The following RYR1 variants were observed in gnomAD, a reference collection of about 807,000 sequenced individuals.
RYR1 encodes central core disease of muscle.
A neutral mutation model predicts 583.5 loss-of-function variants in RYR1; 342 were observed. That is an observed-to-expected ratio of 0.59 (90% CI 0.54 to 0.64). The LOEUF (loss-of-function observed/expected upper bound fraction) is 0.64, where lower values mean the gene tolerates loss of function less well. Among genes scored for constraint, RYR1 ranks in the 30% least tolerant of loss-of-function variants. RYR1 has a pLI of 0.00. For synonymous variants in RYR1, 2,791 were observed against 2,822.5 expected (o/e 0.99, Z 0.35); for missense variants, 6,032 against 6,917.2 (o/e 0.87, Z 4.54).
chr19:38,519,178 C>A lies in RYR1; in HGVS notation c.10019-36C>A, dbSNP rs532991505. On this transcript the variant is annotated intron_variant, in intron 66 of 105. Coordinates refer to ENST00000359596, the MANE Select transcript of RYR1 (RefSeq NM_000540.3). ...CGGAGTTTGGGGCCTGTGTCAGAGG[C>A]CGGAGGTGGCATCAGAGCCCATCGC... is the stretch of plus-strand genomic sequence containing the variant. 9.9e-6 allele frequency: 16 copies of A among 1,613,808 alleles called. No individual in the cohort carries two copies. In the East Asian group the frequency reaches 3.3e-4, roughly 34 times the overall value.
In RYR1 at chr19:38,506,555, G is replaced by A. The variant is rs1970459734; in HGVS notation, c.8692+9G>A. 5.6e-6 allele frequency: 9 copies of A among 1,613,692 alleles called. No homozygotes were observed. The highest frequency in any genetic ancestry group is 6.8e-6 in the Non-Finnish European group (8 of 1,179,818). ...GGAGCTGGAAGCCAAAGGTGAGGGCGCCCATGCCGCCCCCACGCTACCCCC... is the reference window on the plus strand; with the variant it reads ...GGAGCTGGAAGCCAAAGGTGAGGGCACCCATGCCGCCCCCACGCTACCCCC... On this transcript the variant is annotated intron_variant, in intron 56 of 105. Coordinates refer to ENST00000359596, the MANE Select transcript of RYR1 (RefSeq NM_000540.3).
intron 49 of RYR1, 124 bp downstream of exon 49, chr19:38,503,094 C>A: frequency 4.5e-6 from 4 of 885,736 alleles, no homozygotes; most frequent in Non-Finnish European, 7.3e-6. Context: ...CTAGTTAGGG[C>A]AGCGTCCCCG....
rs1224867927 is a variant in RYR1, at chr19:38,542,510, TA to T, written c.11690-836del. ...CAGGCCCTCAATAATATTTATATTT[TA>T]TTTTTTTATATTTATTTATTTTTTG... On this transcript the variant is annotated intron_variant, in intron 84 of 105. Transcript: ENST00000359596. Among the ~76,000 whole-genome samples, 9 of 152,164 alleles carry T rather than the reference TA, an allele frequency of 5.9e-5. No homozygotes were observed. The East Asian group carries it at 1.7e-3, about 29-fold the overall frequency.
chr19:38,552,530 C>T (rs549881715), intron 89 of RYR1, among the ~76,000 whole-genome samples: 4 of 152,242 alleles, frequency 2.6e-5, no homozygotes, highest in South Asian at 2.1e-4. Flanking sequence ...GGATTACAGG[C>T]GTGAGCCACC....
intron 89 of RYR1, among the ~76,000 whole-genome samples, chr19:38,551,024 G>GCTT (rs1972641614): frequency 3.4e-5 from 3 of 89,094 alleles, no homozygotes; most frequent in African/African-American, 1.2e-4. Context: ...TGGATTCACG[G>GCTT]CTTTTTTTTT....
intron 67 of RYR1, among the ~76,000 whole-genome samples, chr19:38,521,005 T>G (rs1971203718): frequency 6.6e-6 from 1 of 152,180 alleles, no homozygotes; most frequent in East Asian, 1.9e-4. Flanking sequence ...CCGGGTGCAG[T>G]GGCTTACAAC....
intron 49 of RYR1, among the ~76,000 whole-genome samples, chr19:38,503,759 T>A (rs1417898335): frequency 6.8e-6 from 1 of 148,138 alleles, no homozygotes; most frequent in African/African-American, 2.5e-5. Flanking sequence ...GTCAAGAGAG[T>A]GAGACTCCAC....
At chr19:38,545,163 C>T (rs1175295224) in intron 87 of RYR1, among the ~76,000 whole-genome samples, 1 of 152,106 alleles carries the variant, frequency 6.6e-6, no homozygotes, top group Non-Finnish European at 1.5e-5. Context: ...GGAAAGAAAG[C>T]TTTGACTGAC....
intron 42 of RYR1, 56 bp downstream of exon 42, chr19:38,497,010 G>C (rs926214217): frequency 1.4e-6 from 2 of 1,465,314 alleles, no homozygotes; most frequent in South Asian, 1.1e-5. Flanking sequence ...GCCGCTACCC[G>C]GCTGCTTGGG....
chr19:38,502,792 C>CAGGGGGAGGAGG (rs1491495422), intron 48 of RYR1, 65 bp downstream of exon 48: 1 of 675,926 alleles, frequency 1.5e-6, no homozygotes, highest in South Asian at 2.2e-5. Context: ...GGGGCAGGGG[C>CAGGGGGAGGAGG]AGGGGCAGGG....
Position 38,500,998 on chromosome 19 carries a change from AC to A in RYR1, c.7614+11del, listed in dbSNP as rs1483499642. 2.5e-6 allele frequency: 4 copies of A among 1,611,984 alleles called. No homozygotes were observed. The East Asian group carries it at 6.7e-5, about 27-fold the overall frequency. ...GCCGCCTCGCTGGACACGGTGAGCA[AC>A]CCTGCCCAGCCTGGCCACCCTCCCC... is the stretch of plus-strand genomic sequence containing the variant. On this transcript the variant is annotated intron_variant, in intron 47 of 105. Coordinates refer to ENST00000359596, the MANE Select transcript of RYR1 (RefSeq NM_000540.3). This position sits in a 1 kb window ranked among gnomAD's most constrained non-coding sequence, Gnocchi z 5.9.
chr19:38,512,532 ACAC>A lies in RYR1; in HGVS notation c.9472+54_9472+56del. 6.5e-7 allele frequency: 1 copy of A among 1,544,566 alleles called. No homozygotes were observed. Among genetic ancestry groups the A allele is most frequent in the African/African-American group, 1.4e-5 (1 of 73,856 alleles). ...AGGTTGCGGGGAGTCAGTGTGGCCA[ACAC>A]CACCCATCCGGGTGCCTGTGAGAGT... On this transcript the variant is annotated intron_variant, in intron 63 of 105. Transcript: ENST00000359596. This position sits in a 1 kb window ranked among gnomAD's most constrained non-coding sequence, Gnocchi z 5.1.
chr19:38,484,043 G>A (rs922627505), intron 33 of RYR1, among the ~76,000 whole-genome samples: 3 of 152,042 alleles, frequency 2.0e-5, no homozygotes, highest in East Asian at 1.9e-4. Context: ...AACTCTGAAC[G>A]TGGCCAGGCA....
chr19:38,581,708 C>T (rs1974218283), intron 101 of RYR1, among the ~76,000 whole-genome samples: 1 of 152,106 alleles, frequency 6.6e-6, no homozygotes, highest in Non-Finnish European at 1.5e-5. Flanking sequence ...AAGTGATTCT[C>T]CTGCGTTAGC....
Position 38,497,970 on chromosome 19 carries a change from TAAAAA to T in RYR1, c.6891+1022_6891+1026del, listed in dbSNP as rs546898242. Among the ~76,000 whole-genome samples the T allele has an allele frequency of 2.0e-4, 30 of 146,686 alleles. No homozygotes were observed. The East Asian group carries it at 5.9e-3, about 29-fold the overall frequency. On this transcript the variant is annotated intron_variant, in intron 42 of 105. Coordinates refer to ENST00000359596, the MANE Select transcript of RYR1 (RefSeq NM_000540.3). ...ACCTCAGGGACAGAGCGAGACCCCT[TAAAAA>T]AAAAAGTGGCCAGAGAAAGCCTCAT...
chr19:38,436,585 G>A (rs189115914), intron 1 of RYR1, among the ~76,000 whole-genome samples: 7 of 152,158 alleles, frequency 4.6e-5, no homozygotes, highest in East Asian at 1.9e-4. Flanking sequence ...TTTTGTTGCC[G>A]AATATTATTC....
At position 38,572,454 on chromosome 19, in the gene RYR1, T is replaced by G. The variant is rs78674720; in HGVS notation, c.13998+184T>G. On this transcript the variant is annotated intron_variant, in intron 95 of 105. Coordinates refer to ENST00000359596, the MANE Select transcript of RYR1 (RefSeq NM_000540.3). ...GTCTCCAGCAAGGATGACAGGGGTC[T>G]CCAGTAAGGACGACATTCAGATTGG... is the stretch of plus-strand genomic sequence containing the variant. Among the ~76,000 whole-genome samples, 1,217 of 152,094 alleles carry G rather than the reference T, an allele frequency of 8.0e-3. 29 individuals carry two copies. Among genetic ancestry groups the G allele is most frequent in the East Asian group, 0.047 (240 of 5,158 alleles).
At chr19:38,459,419 C>A in intron 19 of RYR1, 81 bp downstream of exon 19, 1 of 1,351,760 alleles carries the variant, frequency 7.4e-7, no homozygotes, top group Non-Finnish European at 1.0e-6. Context: ...CTCCATGGTC[C>A]CCCAGGAGGC....
intron 67 of RYR1, 109 bp from the exon 68 acceptor site, chr19:38,522,919 C>T (rs904269267): frequency 1.1e-6 from 1 of 910,964 alleles, no homozygotes. Flanking sequence ...CCCCATCCCT[C>T]TGACTGGATG....
Sources: gnomAD v4.1 joint callset for allele counts (sites outside exome capture counted in the v4.1 genomes callset) on GRCh38, gnomAD v4.1.1 for gene constraint, Gnocchi (gnomAD v3.1) non-coding constraint, MANE v1.5 for transcripts, NCBI Gene and HGNC (gene_info 2026-07-23, HGNC 2026-07-21) for gene names.